The following FNDC3A variants were observed in gnomAD, a reference collection of about 807,000 sequenced individuals.
The protein encoded by FNDC3A is fibronectin type-III domain-containing protein 3A.
In FNDC3A, 32 loss-of-function variants were observed where a neutral mutation model predicts 148.9. The observed-to-expected ratio is 0.21, with a 90% CI of 0.16 to 0.29. FNDC3A has a LOEUF of 0.29. Ranked by LOEUF, FNDC3A falls within the 10% of genes least tolerant of loss-of-function variation. FNDC3A has a pLI of 1.00. For missense variants in FNDC3A, 1,191 were observed against 1,452.8 expected (o/e 0.82, Z 2.93); for synonymous variants, 472 against 473.6 (o/e 1.00, Z 0.04).
intron 10 of FNDC3A, among the ~76,000 whole-genome samples, chr13:49,170,743 T>G (rs546716553): frequency 6.6e-6 from 1 of 152,320 alleles, no homozygotes; most frequent in South Asian, 2.1e-4. Context: ...TAGAGTTGAT[T>G]GGAGGACTAA....
chr13:49,106,524 AGTCTAGTC>A (rs532932535), intron 3 of FNDC3A, among the ~76,000 whole-genome samples: 29 of 152,314 alleles, frequency 1.9e-4, no homozygotes, highest in South Asian at 1.0e-3. Flanking sequence ...TATGTTGTCA[AGTCTAGTC>A]TTGAACTCCT....
intron 2 of FNDC3A, among the ~76,000 whole-genome samples, chr13:49,057,475 C>G (rs779833116): frequency 1.3e-4 from 20 of 152,110 alleles, no homozygotes; most frequent in Admixed American, 2.0e-4. Flanking sequence ...CTACTTGCTG[C>G]TCTAATTTTT....
At chr13:49,031,695 T>C (rs921302333) in intron 2 of FNDC3A, among the ~76,000 whole-genome samples, 1 of 152,080 alleles carries the variant, frequency 6.6e-6, no homozygotes, top group Non-Finnish European at 1.5e-5. Context: ...CAAAAAGGCA[T>C]AAATCTCCGT....
intron 4 of FNDC3A, among the ~76,000 whole-genome samples, chr13:49,120,012 A>G (rs1881226864): frequency 6.6e-6 from 1 of 152,198 alleles, no homozygotes; most frequent in Non-Finnish European, 1.5e-5. Flanking sequence ...ACTCCTTGAG[A>G]AGAGCAAACC....
At chr13:49,161,618 AT>A (rs1200281249) in intron 8 of FNDC3A, among the ~76,000 whole-genome samples, 10 of 152,080 alleles carry the variant, frequency 6.6e-5, no homozygotes, top group Admixed American at 4.6e-4. Context: ...TAAAGTTAAT[AT>A]TGTTATGCGT....
At chr13:48,986,384 TG>T (rs1951795207) in intron 1 of FNDC3A, among the ~76,000 whole-genome samples, 3 of 119,170 alleles carry the variant, frequency 2.5e-5, no homozygotes, top group African/African-American at 9.7e-5. Flanking sequence ...AGAAGGAAGT[TG>T]TTTTTTTTTT....
At chr13:49,086,896 T>C (rs1173163487) in intron 3 of FNDC3A, among the ~76,000 whole-genome samples, 2 of 152,180 alleles carry the variant, frequency 1.3e-5, no homozygotes, top group Non-Finnish European at 2.9e-5. Flanking sequence ...AAATGAATTA[T>C]AACAGATCAT....
chr13:49,063,678 A>G (rs1877054385), intron 2 of FNDC3A, among the ~76,000 whole-genome samples: 1 of 152,222 alleles, frequency 6.6e-6, no homozygotes, highest in Non-Finnish European at 1.5e-5. Flanking sequence ...GGAACAAAAT[A>G]TCTTTAAACA....
intron 8 of FNDC3A, 43 bp downstream of exon 8, chr13:49,145,978 T>C: frequency 1.4e-6 from 2 of 1,471,110 alleles, no homozygotes; most frequent in Non-Finnish European, 1.9e-6. Flanking sequence ...TGTAAATTAA[T>C]GGTTTATTAT....
chr13:49,193,454 G>A (rs907056353), intron 19 of FNDC3A, among the ~76,000 whole-genome samples: 2 of 151,986 alleles, frequency 1.3e-5, no homozygotes, highest in African/African-American at 4.8e-5. Flanking sequence ...AGAGATGGGG[G>A]TCCCCTTATG....
chr13:49,191,348 A>G lies in FNDC3A; in HGVS notation c.2190A>G (p.Thr730=). The G allele has an allele frequency of 6.2e-7, 1 of 1,610,132 alleles. No individual in the cohort carries two copies. Among genetic ancestry groups the G allele is most frequent in the Non-Finnish European group, 8.5e-7 (1 of 1,178,936 alleles). The change falls in exon 19 of 26, where the codon ACA becomes ACG. Residue 730 remains threonine (T), a synonymous_variant. Transcript: ENST00000492622. The part of the protein sequence containing the change: ...CTVSSLLPGK[T]YSFRLRAANK... ...TGAGCAGCCTTCTTCCTGGAAAGACATACAGCTTCAGACTACGTGCAGCTA... is the reference window on the plus strand; with the variant it reads ...TGAGCAGCCTTCTTCCTGGAAAGACGTACAGCTTCAGACTACGTGCAGCTA...
chr13:48,989,284 A>G lies in FNDC3A; in HGVS notation c.-40+13107A>G, dbSNP rs146051113. ...ACAAAAATATCCAACAGCCAACAAG[A>G]TAAAGTTAACAGTATCTTACATGCA... On this transcript the variant is annotated intron_variant, in intron 1 of 25. Transcript: ENST00000492622. Among the ~76,000 whole-genome samples, 139 of 152,350 alleles carry G rather than the reference A, an allele frequency of 9.1e-4. 1 individual carries two copies. Among genetic ancestry groups the G allele is most frequent in the African/African-American group, 3.1e-3 (130 of 41,582 alleles).
In FNDC3A at chr13:49,017,396, T is replaced by A. The variant is rs191730175; in HGVS notation, c.99+11107T>A. Among the ~76,000 whole-genome samples, 146 of 152,318 alleles carry A rather than the reference T, an allele frequency of 9.6e-4. 1 individual carries two copies. The highest frequency in any genetic ancestry group is 3.4e-3 in the African/African-American group (140 of 41,560). ...TCTTTTGATCTTTGTTGGTTTAAAG[T>A]CGTTTTATTAGATACTAGGATTGCA... On this transcript the variant is annotated intron_variant, in intron 2 of 25. Coordinates refer to ENST00000492622, the MANE Select transcript of FNDC3A (RefSeq NM_001079673.2).
chr13:49,166,712 AT>A (rs1251341350), intron 8 of FNDC3A, among the ~76,000 whole-genome samples: 5 of 152,146 alleles, frequency 3.3e-5, no homozygotes, highest in African/African-American at 1.2e-4. Flanking sequence ...CTCCCAGCTG[AT>A]TGCAGCCGAG....
At chr13:49,011,387 C>T (rs1193533519) in intron 2 of FNDC3A, among the ~76,000 whole-genome samples, 1 of 152,102 alleles carries the variant, frequency 6.6e-6, no homozygotes, top group East Asian at 1.9e-4. Flanking sequence ...GCGTGCACCA[C>T]CACACCAGGC....
At chr13:48,990,957 A>T (rs1310433081) in intron 1 of FNDC3A, among the ~76,000 whole-genome samples, 2 of 152,208 alleles carry the variant, frequency 1.3e-5, no homozygotes, top group Admixed American at 6.5e-5. Context: ...AGTAACAAAG[A>T]GTTGTAGCCT....
At chr13:49,091,262 C>T (rs1879172816) in intron 3 of FNDC3A, among the ~76,000 whole-genome samples, 1 of 151,218 alleles carries the variant, frequency 6.6e-6, no homozygotes, top group Admixed American at 6.6e-5. Context: ...AAAAGTATTG[C>T]CCATTCAAAG....
At position 49,112,754 on chromosome 13, in the gene FNDC3A, AGAT is replaced by A. The variant is rs371091806; in HGVS notation, c.176-1885_176-1883del. On this transcript the variant is annotated intron_variant, in intron 3 of 25. Coordinates refer to ENST00000492622, the MANE Select transcript of FNDC3A (RefSeq NM_001079673.2). ...CTCAGTTTCCACATCTAGAAAATGG[AGAT>A]GATGATGATGATGATATTTACCTGA... Among the ~76,000 whole-genome samples the A allele has an allele frequency of 1.7e-3, 260 of 152,140 alleles. 1 individual carries two copies. The highest frequency in any genetic ancestry group is 5.6e-3 in the African/African-American group (234 of 41,484).
At chr13:49,003,242 G>T (rs1593457567) in intron 1 of FNDC3A, among the ~76,000 whole-genome samples, 1 of 151,818 alleles carries the variant, frequency 6.6e-6, no homozygotes. Context: ...ATTTTTGTAT[G>T]TTTAGTAGAG....
Sources: gnomAD v4.1 joint callset for allele counts (sites outside exome capture counted in the v4.1 genomes callset) on GRCh38, gnomAD v4.1.1 for gene constraint, MANE v1.5 for transcripts, NCBI Gene and HGNC (gene_info 2026-07-23, HGNC 2026-07-21) for gene names.